The following VOPP1 variants were observed in gnomAD, a reference collection of about 807,000 sequenced individuals.
VOPP1 encodes the protein VOPP1 WW domain binding protein, also known as WW domain binding protein VOPP1.
In VOPP1, 8 loss-of-function variants were observed where a neutral mutation model predicts 23.5. The observed-to-expected ratio is 0.34, with a 90% CI of 0.20 to 0.61. The LOEUF is 0.61. Ranked by LOEUF, VOPP1 falls within the 20% of genes least tolerant of loss-of-function variation. VOPP1 has a pLI of 0.78. For missense variants in VOPP1, 174 were observed against 238.1 expected, an observed-to-expected ratio of 0.73 and a Z score of 1.77; for synonymous variants, 83 against 97.3, an observed-to-expected ratio of 0.85 and a Z score of 0.86.
chr7:55,533,207 A>C (rs1438196100), intron 1 of VOPP1, among the ~76,000 whole-genome samples: 2 of 152,220 alleles, frequency 1.3e-5, no homozygotes, highest in African/African-American at 4.8e-5. Flanking sequence ...AAGCTGGTTC[A>C]GTCAGCTGCC....
chr7:55,467,034 G>C (rs371468667), downstream of VOPP1, among the ~76,000 whole-genome samples: 2 of 152,236 alleles, frequency 1.3e-5, no homozygotes, highest in East Asian at 3.9e-4. Context: ...TTCTCATAAG[G>C]AGCATACAAC....
At chr7:55,490,945 A>G (rs1172860339) in intron 4 of VOPP1, among the ~76,000 whole-genome samples, 1 of 152,244 alleles carries the variant, frequency 6.6e-6, no homozygotes, top group East Asian at 1.9e-4. Context: ...ACAAATATGC[A>G]AATGACTTTG....
intron 2 of VOPP1, among the ~76,000 whole-genome samples, chr7:55,515,352 G>A (rs754395839): frequency 3.3e-5 from 5 of 152,158 alleles, no homozygotes; most frequent in South Asian, 2.1e-4. Context: ...CTCCCACAGC[G>A]TCCCCAAGAG....
At chr7:55,525,287 A>G (rs922791904) in intron 1 of VOPP1, among the ~76,000 whole-genome samples, 4 of 152,020 alleles carry the variant, frequency 2.6e-5, no homozygotes. Flanking sequence ...CAGGAGATCG[A>G]GACTATCCTG....
At chr7:55,527,253 C>T (rs1796242416) in intron 1 of VOPP1, among the ~76,000 whole-genome samples, 1 of 152,152 alleles carries the variant, frequency 6.6e-6, no homozygotes, top group African/African-American at 2.4e-5. Flanking sequence ...GGTTTATGGA[C>T]ATTTTGTTTC....
intron 1 of VOPP1, among the ~76,000 whole-genome samples, chr7:55,569,309 A>C (rs1404209725): frequency 3.9e-5 from 6 of 152,194 alleles, no homozygotes; most frequent in African/African-American, 1.4e-4. Flanking sequence ...ACAGCTCTTA[A>C]CAACATCCTA....
intron 4 of VOPP1, among the ~76,000 whole-genome samples, chr7:55,438,321 T>C (rs1479244470): frequency 6.6e-6 from 1 of 151,608 alleles, no homozygotes; most frequent in African/African-American, 2.4e-5. Context: ...TTGGAATCCA[T>C]CAGTGAAGAA....
At chr7:55,484,767 C>T (rs551309680) in intron 4 of VOPP1, among the ~76,000 whole-genome samples, 7 of 152,284 alleles carry the variant, frequency 4.6e-5, no homozygotes, top group South Asian at 2.1e-4. Flanking sequence ...AACAAGTATG[C>T]GTTCATACTC....
At chr7:55,544,900 G>A (rs1474685248) in intron 1 of VOPP1, among the ~76,000 whole-genome samples, 1 of 152,232 alleles carries the variant, frequency 6.6e-6, no homozygotes, top group Non-Finnish European at 1.5e-5. Flanking sequence ...GATACTAAAT[G>A]TGGATTTAAC....
chr7:55,497,553 ATGGGGG>A, intron 3 of VOPP1, 54 bp downstream of exon 3: 3 of 936,782 alleles, frequency 3.2e-6, no homozygotes, highest in Non-Finnish European at 2.8e-6. Flanking sequence ...GACAACACTG[ATGGGGG>A]GGGGGGGGGG....
chr7:55,517,766 G>C (rs1795562020), intron 2 of VOPP1, among the ~76,000 whole-genome samples: 1 of 152,158 alleles, frequency 6.6e-6, no homozygotes, highest in Non-Finnish European at 1.5e-5. Context: ...GAGCAAGACT[G>C]GATGGAGTAG....
chr7:55,571,549 C>A (rs1798354530), intron 1 of VOPP1, among the ~76,000 whole-genome samples: 1 of 152,182 alleles, frequency 6.6e-6, no homozygotes, highest in Admixed American at 6.5e-5. Flanking sequence ...AGTATGTGGC[C>A]CCATCCGAGG....
In VOPP1 at chr7:55,474,812, G is replaced by A. The variant is rs1470156707; in HGVS notation, c.329-1767C>T. On this transcript the variant is annotated intron_variant, in intron 4 of 4. Coordinates refer to ENST00000285279, the MANE Select transcript of VOPP1 (RefSeq NM_030796.5). ...GCAGGAAGGAGCAGCACTGAGGCCA[G>A]GAGAGGAGCATGAAGTGTCTAAGGC... 2.6e-5 allele frequency among the ~76,000 whole-genome samples: 4 copies of A among 152,244 alleles called. No homozygotes were observed. In the East Asian group the frequency reaches 7.7e-4, roughly 29 times the overall value.
At chr7:55,435,251 C>T (rs1260605642), downstream of VOPP1, among the ~76,000 whole-genome samples, 1 of 152,200 alleles carries the variant, frequency 6.6e-6, no homozygotes, top group Admixed American at 6.5e-5. Flanking sequence ...TCCCAGTTTT[C>T]ATTACCGCTT....
intron 1 of VOPP1, chr7:55,526,885 G>A (rs1796222762): frequency 1.3e-5 from 2 of 152,190 alleles, no homozygotes; most frequent in Admixed American, 1.3e-4. Context: ...CAAAAGGGAG[G>A]GGCCCCCTGC....
chr7:55,463,088 C>T (rs978222515), intron 4 of VOPP1, among the ~76,000 whole-genome samples: 4 of 152,056 alleles, frequency 2.6e-5, no homozygotes, highest in African/African-American at 9.7e-5. Flanking sequence ...TGAAAAGGTA[C>T]TTGATATTAT....
At chr7:55,459,409 C>T (rs943774541) in intron 4 of VOPP1, among the ~76,000 whole-genome samples, 2 of 152,118 alleles carry the variant, frequency 1.3e-5, no homozygotes, top group African/African-American at 4.8e-5. Context: ...GAAAAATTCC[C>T]TCCTCTTCAA....
At chr7:55,552,625 T>C in intron 1 of VOPP1, 2 of 1,536,020 alleles carry the variant, frequency 1.3e-6, no homozygotes, top group Non-Finnish European at 1.7e-6. Flanking sequence ...ACCAGGTCTG[T>C]GTGGCTCCAA....
chr7:55,453,480 T>C (rs13247458), intron 4 of VOPP1, among the ~76,000 whole-genome samples: 6,535 of 152,268 alleles, frequency 0.043, 213 homozygotes, highest in Non-Finnish European at 0.06. Flanking sequence ...TTATAGGCCA[T>C]TGTAGGGTTA....
Sources: gnomAD v4.1 joint callset for allele counts (sites outside exome capture counted in the v4.1 genomes callset) on GRCh38, gnomAD v4.1.1 for gene constraint, MANE v1.5 for transcripts, NCBI Gene and HGNC (gene_info 2026-07-23, HGNC 2026-07-21) for gene names.